The following FRAS1 variants were observed in gnomAD, a reference collection of about 807,000 sequenced individuals.
The protein encoded by FRAS1 is Fraser extracellular matrix complex subunit 1, also known as extracellular matrix organizing protein FRAS1.
In FRAS1, 290 loss-of-function variants were observed where a neutral mutation model predicts 435.2. That is an observed-to-expected ratio of 0.67 (90% confidence interval 0.61 to 0.73). FRAS1 has a LOEUF of 0.73. Ranked by LOEUF, FRAS1 falls within the 30% of genes least tolerant of loss-of-function variation. The pLI is 0.00. For synonymous variants in FRAS1, 1,800 were observed against 1,851.0 expected (o/e 0.97, Z 0.71); for missense variants, 4,860 against 5,001.5 (o/e 0.97, Z 0.85).
chr4:78,331,852 A>G (rs1298509949), intron 18 of FRAS1, among the ~76,000 whole-genome samples: 1 of 152,204 alleles, frequency 6.6e-6, no homozygotes, highest in African/African-American at 2.4e-5. Context: ...TGTAGTTTTT[A>G]TTATTCCGAT....
chr4:78,061,539 T>G (rs1481805889), intron 1 of FRAS1, among the ~76,000 whole-genome samples: 2 of 152,206 alleles, frequency 1.3e-5, no homozygotes, highest in African/African-American at 4.8e-5. Context: ...GTTTTTCCTA[T>G]AAATGCTATT....
chr4:78,380,234 T>G (rs1269417701), intron 27 of FRAS1, among the ~76,000 whole-genome samples: 1 of 152,200 alleles, frequency 6.6e-6, no homozygotes, highest in East Asian at 1.9e-4. Flanking sequence ...AATTCTCTGA[T>G]GCGACAGAAA....
intron 13 of FRAS1, 85 bp downstream of exon 13, chr4:78,284,633 G>A: frequency 7.7e-7 from 1 of 1,290,936 alleles, no homozygotes; most frequent in Admixed American, 2.5e-5. Context: ...CTGAGGCTCA[G>A]TATTGTCAAG....
At position 78,429,192 on chromosome 4, in the gene FRAS1, G is replaced by A. The variant is rs868601704; in HGVS notation, c.4809G>A (p.Arg1603=). ...QLPVFQVTAP[R]LAVSPGGSTS... Reference sequence around the variant, plus strand: ...CAGTGTTCCAGGTCACAGCTCCACGGCTGGCGGTCAGCCCAGGAGGCAGCA... The same window carrying A: ...CAGTGTTCCAGGTCACAGCTCCACGACTGGCGGTCAGCCCAGGAGGCAGCA... Residue 1603 remains arginine (R), a synonymous_variant, in exon 36 of 74, where the codon CGG becomes CGA. Coordinates refer to ENST00000512123, the MANE Select transcript of FRAS1 (RefSeq NM_025074.7). 6.2e-7 allele frequency: 1 copy of A among 1,606,536 alleles called. No individual in the cohort carries two copies. The highest frequency in any genetic ancestry group is 8.5e-7 in the Non-Finnish European group (1 of 1,176,878).
intron 29 of FRAS1, among the ~76,000 whole-genome samples, chr4:78,390,463 G>T (rs947734667): frequency 2.0e-5 from 3 of 152,146 alleles, no homozygotes; most frequent in Non-Finnish European, 4.4e-5. Flanking sequence ...AAGTGTGTCT[G>T]CCTCCTACAT....
chr4:78,126,716 G>T (rs547786495), intron 2 of FRAS1, among the ~76,000 whole-genome samples: 1 of 152,218 alleles, frequency 6.6e-6, no homozygotes, highest in East Asian at 1.9e-4. Context: ...TACAATTTAA[G>T]TATTTATATT....
chr4:78,314,076 G>C (rs1729138256), intron 15 of FRAS1, among the ~76,000 whole-genome samples: 1 of 151,318 alleles, frequency 6.6e-6, no homozygotes, highest in Admixed American at 6.6e-5. Flanking sequence ...TTTCTTCTTG[G>C]TCACCTGTAC....
chr4:78,432,042 A>G (rs2110389385), intron 37 of FRAS1, among the ~76,000 whole-genome samples: 1 of 152,362 alleles, frequency 6.6e-6, no homozygotes, highest in East Asian at 1.9e-4. Context: ...AACTAGGAAT[A>G]ATGACTAGAT....
At chr4:78,457,206 A>G (rs12649822) in intron 47 of FRAS1, among the ~76,000 whole-genome samples, 21,380 of 152,172 alleles carry the variant, frequency 0.14, 1,588 homozygotes, top group East Asian at 0.22. Flanking sequence ...GAAAGCCACA[A>G]TTGCTTTCCT....
At chr4:78,112,996 G>T (rs1054238879) in intron 2 of FRAS1, among the ~76,000 whole-genome samples, 8 of 151,954 alleles carry the variant, frequency 5.3e-5, no homozygotes, top group African/African-American at 1.9e-4. Context: ...CCCCACAACA[G>T]GCCCCAGTGT....
intron 27 of FRAS1, among the ~76,000 whole-genome samples, chr4:78,382,234 T>C (rs1732049970): frequency 1.3e-5 from 2 of 151,996 alleles, no homozygotes; most frequent in Admixed American, 1.3e-4. Context: ...TACCACCCTT[T>C]CTTTTTTCAG....
At chr4:78,268,079 G>C (rs1726460934) in intron 9 of FRAS1, among the ~76,000 whole-genome samples, 1 of 152,026 alleles carries the variant, frequency 6.6e-6, no homozygotes, top group Non-Finnish European at 1.5e-5. Context: ...CTTTGAACTT[G>C]ATTTTGACCC....
At chr4:78,301,915 A>G (rs1728426300) in intron 14 of FRAS1, among the ~76,000 whole-genome samples, 1 of 136,150 alleles carries the variant, frequency 7.3e-6, no homozygotes, top group Non-Finnish European at 1.5e-5. Context: ...CTGGTTAGTT[A>G]CATACGTATA....
At chr4:78,176,184 T>C (rs1432768623) in intron 2 of FRAS1, among the ~76,000 whole-genome samples, 1 of 152,210 alleles carries the variant, frequency 6.6e-6, no homozygotes, top group East Asian at 1.9e-4. Context: ...GAGATAGCAT[T>C]ACTTCATGTA....
At chr4:78,377,573 T>C (rs1167537728) in intron 26 of FRAS1, among the ~76,000 whole-genome samples, 1 of 152,226 alleles carries the variant, frequency 6.6e-6, no homozygotes, top group East Asian at 1.9e-4. Flanking sequence ...GTCCATCAGA[T>C]GTTTCATGTG....
In FRAS1 at chr4:78,445,471, A is replaced by G; in HGVS notation, c.5666-51A>G. ...ACCTTGTTTTCTAGTTCAGCCTAGT[A>G]AGCAGGAATTGATAGATCAAGGTAA... On this transcript the variant is annotated intron_variant, in intron 41 of 73. Coordinates refer to ENST00000512123, the MANE Select transcript of FRAS1 (RefSeq NM_025074.7). 2.0e-6 allele frequency: 3 copies of G among 1,469,890 alleles called. No homozygotes were observed. The South Asian group carries it at 4.9e-5, about 24-fold the overall frequency. 91.1% of individuals were successfully genotyped at this position (1,469,890 alleles called of 1,614,324 possible).
At chr4:78,373,537 G>A (rs1486649659) in intron 24 of FRAS1, among the ~76,000 whole-genome samples, 1 of 151,110 alleles carries the variant, frequency 6.6e-6, no homozygotes, top group Non-Finnish European at 1.5e-5. Flanking sequence ...CAACAGTTTG[G>A]GAGGCGGAGG....
At chr4:78,419,168 T>C in intron 33 of FRAS1, 105 bp downstream of exon 33, 1 of 604,502 alleles carries the variant, frequency 1.7e-6, no homozygotes, top group African/African-American at 1.9e-5. Context: ...ATAGAGATAT[T>C]TGTTGAGGTT....
chr4:78,461,991 C>T (rs79200273), intron 47 of FRAS1, among the ~76,000 whole-genome samples: 220 of 152,266 alleles, frequency 1.4e-3, no homozygotes, highest in Middle Eastern at 0.01. Flanking sequence ...GGTTATGAAG[C>T]GTAAGTTGGA....
Sources: gnomAD v4.1 joint callset for allele counts (sites outside exome capture counted in the v4.1 genomes callset) on GRCh38, gnomAD v4.1.1 for gene constraint, MANE v1.5 for transcripts, NCBI Gene and HGNC (gene_info 2026-07-23, HGNC 2026-07-21) for gene names.